The following NR3C1 variants were observed in gnomAD, a reference collection of about 807,000 sequenced individuals.
The protein encoded by NR3C1 is glucocorticoid receptor.
A neutral mutation model predicts 74.0 loss-of-function variants in NR3C1; 14 were observed. The ratio of observed to expected loss-of-function variants is 0.19; its 90% CI spans 0.12 to 0.30. The LOEUF is 0.30. Among genes scored for constraint, NR3C1 ranks in the 10% least tolerant of loss-of-function variants. The pLI is 1.00. For missense variants in NR3C1, 695 were observed against 909.8 expected (o/e 0.76, Z 3.04); for synonymous variants, 308 against 332.5 (o/e 0.93, Z 0.80).
Position 143,313,984 on chromosome 5 carries a change from C to A in NR3C1, c.1351+18G>T. 1 of 1,612,854 alleles carries A rather than the reference C, an allele frequency of 6.2e-7. No individual in the cohort carries two copies. The highest frequency in any genetic ancestry group is 8.5e-7 in the Non-Finnish European group (1 of 1,179,202). On this transcript the variant is annotated intron_variant, in intron 3 of 8. Coordinates refer to ENST00000394464, the MANE Select transcript of NR3C1 (RefSeq NM_000176.3). The stretch of plus-strand genomic sequence containing the variant: ...AAACCAAGTAGAGGAAAAATAAACT[C>A]TTCAAAACACACACTACCTTCCACT...
intron 1 of NR3C1, among the ~76,000 whole-genome samples, chr5:143,429,321 ATTAATT>A (rs1751694123): frequency 6.6e-6 from 1 of 152,226 alleles, no homozygotes; most frequent in Admixed American, 6.5e-5. Context: ...AGCACAATTA[ATTAATT>A]TTAACTACAA....
intron 2 of NR3C1, among the ~76,000 whole-genome samples, chr5:143,395,463 CAG>C (rs1362923068): frequency 2.6e-5 from 4 of 151,668 alleles, no homozygotes; most frequent in African/African-American, 9.7e-5. Context: ...TTCCATGACT[CAG>C]AAATATGAAA....
chr5:143,281,524 C>CAACT lies in NR3C1; in HGVS notation c.*361_*364dup, dbSNP rs1813096705. 4.1e-6 allele frequency: 1 copy of CAACT among 242,250 alleles called. No individual in the cohort carries two copies. Among genetic ancestry groups the CAACT allele is most frequent in the South Asian group, 5.2e-5 (1 of 19,198 alleles). 15.0% of individuals were successfully genotyped at this position (242,250 alleles called of 1,614,324 possible). ...GAAAGTCTAGAAAATTTCATCCAGC[C>CAACT]AACTGTGAAAAAAAGTATGAAGAGA... is the stretch of plus-strand genomic sequence containing the variant. On this transcript the variant is annotated 3_prime_UTR_variant, in exon 9 of 9. Transcript: ENST00000394464.
intron 4 of NR3C1, among the ~76,000 whole-genome samples, chr5:143,309,766 G>A (rs1278559121): frequency 6.6e-6 from 1 of 152,038 alleles, no homozygotes; most frequent in Non-Finnish European, 1.5e-5. Flanking sequence ...CCAACCCTAG[G>A]GAATAGTTTT....
At chr5:143,399,595 T>C in intron 2 of NR3C1, 61 bp downstream of exon 2, 1 of 1,207,648 alleles carries the variant, frequency 8.3e-7, no homozygotes, top group Non-Finnish European at 1.2e-6. Flanking sequence ...AATGAAGATT[T>C]ACATCTATTA....
chr5:143,400,105 G>C lies in NR3C1; in HGVS notation c.735C>G (p.Cys245Trp), dbSNP rs1316775187. The C allele has an allele frequency of 6.2e-7, 1 of 1,614,210 alleles. No homozygotes were observed. The highest frequency in any genetic ancestry group is 1.7e-5 in the Admixed American group (1 of 60,022). The stretch of plus-strand genomic sequence containing the variant: ...TAGTGTCCGGTAAAATGAGAGGCTT[G>C]CAGTCCTCATTCGAGTTTCCTTCCA... ...FLLEGNSNED[C>W]KPLILPDTKP... The change falls in exon 2 of 9, where the codon TGC becomes TGG. Residue 245 changes from cysteine to tryptophan, a missense_variant. By Grantham distance (215) the Cys-to-Trp change is radical. This residue lies in a region of NR3C1 where 497 missense variants were observed against 489.5 expected (regional missense o/e 1.02). Transcript: ENST00000394464.
chr5:143,401,224 C>CA (rs1840220944), intron 1 of NR3C1: 1 of 243,366 alleles, frequency 4.1e-6, no homozygotes, highest in Non-Finnish European at 8.1e-6. Context: ...TATTTAATTT[C>CA]AAAAAAAGGA....
At chr5:143,324,107 C>T (rs1824028171) in intron 2 of NR3C1, among the ~76,000 whole-genome samples, 1 of 152,160 alleles carries the variant, frequency 6.6e-6, no homozygotes, top group Admixed American at 6.5e-5. Context: ...ATTCTGGGGT[C>T]TGGAGGATGA....
At position 143,412,408 on chromosome 5, in the gene NR3C1, C is replaced by T. The variant is rs61757444; in HGVS notation, c.-13-11556G>A. ...TTCATCTCCATGCCTTGAGCCTATC[C>T]CAATTTATAGTAGATTTTTTTTTCT... On this transcript the variant is annotated intron_variant, in intron 1 of 8. Transcript: ENST00000343796. 3.3e-3 allele frequency among the ~76,000 whole-genome samples: 498 copies of T among 152,116 alleles called. 5 individuals carry two copies. Among genetic ancestry groups the T allele is most frequent in the Middle Eastern group, 0.01 (3 of 294 alleles).
chr5:143,333,057 G>A, intron 2 of NR3C1: 2 of 1,594,558 alleles, frequency 1.3e-6, no homozygotes, highest in East Asian at 2.2e-5. Context: ...TTGCTTGGAA[G>A]ACCTCATTCA....
chr5:143,309,932 A>G (rs1820544382), intron 4 of NR3C1, among the ~76,000 whole-genome samples, 165 bp downstream of exon 4: 2 of 152,234 alleles, frequency 1.3e-5, no homozygotes, highest in Admixed American at 1.3e-4. Flanking sequence ...CATATTCATG[A>G]AAAAAATTTC....
chr5:143,370,470 G>T lies in NR3C1; in HGVS notation c.1184+29186C>A, dbSNP rs1282418892. Among the ~76,000 whole-genome samples, 6 of 152,210 alleles carry T rather than the reference G, an allele frequency of 3.9e-5. No individual in the cohort carries two copies. In the East Asian group the frequency reaches 1.2e-3, roughly 29 times the overall value. ...TGTTTAGCCAACTTTACTTAGAGGG[G>T]ATACATCAATTTTGCAAATGTATCT... is the stretch of plus-strand genomic sequence containing the variant. On this transcript the variant is annotated intron_variant, in intron 2 of 8. Coordinates refer to ENST00000394464, the MANE Select transcript of NR3C1 (RefSeq NM_000176.3).
chr5:143,383,920 T>C (rs1836713515), intron 2 of NR3C1, among the ~76,000 whole-genome samples: 1 of 152,210 alleles, frequency 6.6e-6, no homozygotes, highest in African/African-American at 2.4e-5. Flanking sequence ...AACCCAACTT[T>C]GGGGAAATCT....
At chr5:143,345,743 T>C (rs1829166299) in intron 2 of NR3C1, among the ~76,000 whole-genome samples, 1 of 152,186 alleles carries the variant, frequency 6.6e-6, no homozygotes, top group Non-Finnish European at 1.5e-5. Flanking sequence ...ATTGGGTAAA[T>C]AATTATTTTT....
intron 7 of NR3C1, among the ~76,000 whole-genome samples, chr5:143,287,870 T>C (rs1049291369): frequency 6.6e-6 from 1 of 152,178 alleles, no homozygotes; most frequent in African/African-American, 2.4e-5. Flanking sequence ...GCAAATAAAT[T>C]TGTATTAGAA....
At chr5:143,297,919 T>C (rs1817659474) in intron 6 of NR3C1, among the ~76,000 whole-genome samples, 1 of 152,134 alleles carries the variant, frequency 6.6e-6, no homozygotes, top group Non-Finnish European at 1.5e-5. Context: ...ATGCAGAATA[T>C]GTACTGGAGG....
At chr5:143,388,023 C>T (rs1031997618) in intron 2 of NR3C1, among the ~76,000 whole-genome samples, 3 of 152,088 alleles carry the variant, frequency 2.0e-5, no homozygotes, top group Non-Finnish European at 4.4e-5. Context: ...TACAAAAGTT[C>T]CTATATTGAC....
At chr5:143,318,669 A>C (rs1363691240) in intron 2 of NR3C1, among the ~76,000 whole-genome samples, 1 of 152,150 alleles carries the variant, frequency 6.6e-6, no homozygotes, top group Non-Finnish European at 1.5e-5. Context: ...TTTTTGGGAA[A>C]ACATCGCCAA....
At chr5:143,405,479 G>A (rs1841058266), upstream of NR3C1, among the ~76,000 whole-genome samples, 1 of 152,198 alleles carries the variant, frequency 6.6e-6, no homozygotes, top group Non-Finnish European at 1.5e-5. Context: ...TCTTGGCAAA[G>A]GTTCGCGATC....
Sources: allele counts gnomAD v4.1 joint callset (sites outside exome capture counted in the v4.1 genomes callset), GRCh38; gene constraint gnomAD v4.1.1; regional missense constraint gnomAD v4.1.1; transcripts MANE v1.5; gene names NCBI Gene and HGNC (gene_info 2026-07-23, HGNC 2026-07-21).